The following DGKB variants were observed in gnomAD, a reference collection of about 807,000 sequenced individuals.
DGKB encodes 90 kDa diacylglycerol kinase.
Under a neutral mutation model 114.3 loss-of-function variants are expected in DGKB, and 67 were observed. The observed-to-expected ratio is 0.59, with a 90% CI of 0.48 to 0.72. The LOEUF is 0.72. Ranked by LOEUF, DGKB falls within the 30% of genes least tolerant of loss-of-function variation. DGKB has a pLI of 0.00. For missense variants in DGKB, 907 were observed against 975.2 expected, an observed-to-expected ratio of 0.93 and a Z score of 0.93; for synonymous variants, 398 against 323.1, an observed-to-expected ratio of 1.23 and a Z score of -2.49.
At chr7:14,306,422 G>C (rs920625852) in intron 23 of DGKB, among the ~76,000 whole-genome samples, 2 of 151,986 alleles carry the variant, frequency 1.3e-5, no homozygotes, top group African/African-American at 4.8e-5. Context: ...GCCAGCTGGG[G>C]TTTTAAATGC....
chr7:14,434,857 G>A (rs1829004126), intron 21 of DGKB, among the ~76,000 whole-genome samples: 1 of 151,978 alleles, frequency 6.6e-6, no homozygotes, highest in Admixed American at 6.6e-5. Flanking sequence ...GTTAATCATT[G>A]GAATAAAATA....
chr7:14,347,102 T>A (rs1171753974), intron 21 of DGKB, among the ~76,000 whole-genome samples: 2 of 151,980 alleles, frequency 1.3e-5, no homozygotes, highest in Non-Finnish European at 2.9e-5. Flanking sequence ...CTTATGGGCA[T>A]ATCAGTTTGT....
intron 1 of DGKB, among the ~76,000 whole-genome samples, chr7:14,937,947 CA>C (rs1463367067): frequency 6.6e-6 from 1 of 151,864 alleles, no homozygotes; most frequent in African/African-American, 2.4e-5. Context: ...GTATATAATA[CA>C]ACAAAACATG....
At chr7:14,385,782 A>G (rs958441281) in intron 21 of DGKB, among the ~76,000 whole-genome samples, 2 of 152,258 alleles carry the variant, frequency 1.3e-5, no homozygotes, top group Non-Finnish European at 2.9e-5. Context: ...CACATTAAAT[A>G]ATAAGATCTA....
intron 21 of DGKB, among the ~76,000 whole-genome samples, chr7:14,451,568 TCTCTC>T (rs1563210950): frequency 2.6e-5 from 4 of 151,706 alleles, no homozygotes; most frequent in African/African-American, 7.3e-5. Flanking sequence ...TCTCTCTCTC[TCTCTC>T]TCCATCTAAT....
chr7:14,723,549 A>ATG (rs200671740), intron 5 of DGKB, among the ~76,000 whole-genome samples: 4 of 151,610 alleles, frequency 2.6e-5, no homozygotes, highest in African/African-American at 4.9e-5. Flanking sequence ...AGTGAAGCAA[A>ATG]TGTGTGTGTG....
At chr7:14,394,578 T>C (rs1206228229) in intron 21 of DGKB, among the ~76,000 whole-genome samples, 2 of 152,162 alleles carry the variant, frequency 1.3e-5, no homozygotes, top group Non-Finnish European at 2.9e-5. Context: ...TAACCTTTTC[T>C]AGCTTCAACC....
chr7:14,832,479 T>G (rs1219090677), intron 2 of DGKB, among the ~76,000 whole-genome samples: 1 of 152,020 alleles, frequency 6.6e-6, no homozygotes, highest in African/African-American at 2.4e-5. Flanking sequence ...ATGTGTTCTC[T>G]CTGTCTTTCC....
At position 14,474,256 on chromosome 7, in the gene DGKB, T is replaced by C. The variant is rs1224268536; in HGVS notation, c.1835+3905A>G. 4.6e-5 allele frequency among the ~76,000 whole-genome samples: 7 copies of C among 152,278 alleles called. No homozygotes were observed. The East Asian group carries it at 1.2e-3, about 25-fold the overall frequency. ...TAAGTCTCATGAGATCTGATGGTTCTACACGGGGGAGTTTCCCTGCACAAG... is the reference window on the plus strand; with the variant it reads ...TAAGTCTCATGAGATCTGATGGTTCCACACGGGGGAGTTTCCCTGCACAAG... On this transcript the variant is annotated intron_variant, in intron 21 of 25. Coordinates refer to ENST00000402815, the MANE Select transcript of DGKB (RefSeq NM_001350709.2).
At chr7:14,722,600 T>G (rs533697601) in intron 5 of DGKB, among the ~76,000 whole-genome samples, 2 of 152,164 alleles carry the variant, frequency 1.3e-5, no homozygotes, top group South Asian at 4.1e-4. Context: ...GATCACAAGG[T>G]GAAGAGATCG....
intron 13 of DGKB, among the ~76,000 whole-genome samples, chr7:14,664,530 C>T (rs556729030): frequency 1.3e-5 from 2 of 152,138 alleles, no homozygotes; most frequent in South Asian, 2.1e-4. Flanking sequence ...TATTTTCTCC[C>T]TCTCCAGCCT....
chr7:14,458,076 A>T (rs772781946), intron 21 of DGKB, among the ~76,000 whole-genome samples: 16 of 151,944 alleles, frequency 1.1e-4, no homozygotes, highest in East Asian at 1.9e-4. Context: ...AGCCTTGATT[A>T]AAAAAAACGA....
At chr7:14,901,612 C>G (rs1034670645) in intron 1 of DGKB, among the ~76,000 whole-genome samples, 1 of 142,392 alleles carries the variant, frequency 7.0e-6, no homozygotes, top group African/African-American at 2.6e-5. Flanking sequence ...TCCACCCCCC[C>G]CCACCCCCCA....
chr7:14,784,128 AT>A (rs1269012625), intron 2 of DGKB, among the ~76,000 whole-genome samples: 2 of 152,068 alleles, frequency 1.3e-5, no homozygotes, highest in African/African-American at 2.4e-5. Flanking sequence ...AGTAAATATA[AT>A]TAGATTATGA....
chr7:14,171,863 C>G (rs570622366), intron 25 of DGKB, among the ~76,000 whole-genome samples: 13 of 152,308 alleles, frequency 8.5e-5, no homozygotes, highest in African/African-American at 2.9e-4. Flanking sequence ...GTGTGAGGTA[C>G]AGTGCTACGC....
chr7:14,347,523 A>G (rs1162160415), intron 21 of DGKB, among the ~76,000 whole-genome samples: 1 of 152,036 alleles, frequency 6.6e-6, no homozygotes, highest in Admixed American at 6.6e-5. Flanking sequence ...CAGAACAGAA[A>G]GACAAATCTT....
At chr7:14,571,746 T>C (rs1464014049) in intron 20 of DGKB, among the ~76,000 whole-genome samples, 1 of 152,206 alleles carries the variant, frequency 6.6e-6, no homozygotes, top group Admixed American at 6.5e-5. Flanking sequence ...TTTGAATGTA[T>C]TCTTCAGTGA....
chr7:14,721,984 T>C (rs1829247335), intron 5 of DGKB, among the ~76,000 whole-genome samples: 1 of 152,184 alleles, frequency 6.6e-6, no homozygotes, highest in South Asian at 2.1e-4. Flanking sequence ...TATCTCTCTG[T>C]GTTTCACATT....
intron 9 of DGKB, among the ~76,000 whole-genome samples, chr7:14,690,813 T>A (rs577029884): frequency 2.0e-4 from 30 of 152,336 alleles, no homozygotes; most frequent in Non-Finnish European, 3.1e-4. Flanking sequence ...TGGATTTTTT[T>A]AAAAAACAAT....
Sources: allele counts gnomAD v4.1 joint callset (sites outside exome capture counted in the v4.1 genomes callset), GRCh38; gene constraint gnomAD v4.1.1; transcripts MANE v1.5; gene names NCBI Gene and HGNC (gene_info 2026-07-23, HGNC 2026-07-21).